Variants in COL12A1 observed in about 807,000 individuals in gnomAD.
The protein encoded by COL12A1 is collagen type XII alpha 1 chain.
Under a neutral mutation model 349.7 loss-of-function variants are expected in COL12A1, and 114 were observed. That is an observed-to-expected ratio of 0.33 (90% CI 0.28 to 0.38). The LOEUF is 0.38. Among genes scored for constraint, COL12A1 ranks in the 10% least tolerant of loss-of-function variants. COL12A1 has a pLI of 1.00. For missense variants in COL12A1, 3,284 were observed against 3,756.9 expected (o/e 0.87, Z 3.29); for synonymous variants, 1,369 against 1,329.0 (o/e 1.03, Z -0.66).
intron 13 of COL12A1, among the ~76,000 whole-genome samples, chr6:75,172,913 G>C (rs1400262249): frequency 6.6e-6 from 1 of 152,138 alleles, no homozygotes; most frequent in Non-Finnish European, 1.5e-5. Context: ...CACATATACA[G>C]GTTCCCTAGG....
Position 75,138,823 on chromosome 6 carries a change from T to A in COL12A1, c.5096A>T (p.Glu1699Val). 1 of 1,613,914 alleles carries A rather than the reference T, an allele frequency of 6.2e-7. No individual in the cohort carries two copies. The highest frequency in any genetic ancestry group is 8.5e-7 in the Non-Finnish European group (1 of 1,179,906). ...AGAAAGATAAAGAGAGTTAACTACC[T>A]CCATCTTATCTGAGCTTCCAAAAGG... Reference protein sequence around the residue: ...WAPFGSSDKMETILNGDENTL... With the variant: ...WAPFGSSDKMVTILNGDENTL... The change falls in exon 28 of 66, where the codon GAG becomes GTG. Residue 1699 changes from glutamate (E) to valine (V), a missense_variant and splice_region_variant. Around this residue, in one of 2 missense-constraint regions of COL12A1, gnomAD observed 2,601 missense variants for 2,824.8 expected, o/e 0.92. Transcript: ENST00000322507.
intron 43 of COL12A1, among the ~76,000 whole-genome samples, chr6:75,122,197 A>C (rs1014629458): frequency 6.6e-6 from 1 of 152,242 alleles, no homozygotes; most frequent in Admixed American, 6.5e-5. Context: ...AAAGGAGAAG[A>C]TTTTTATTGG....
chr6:75,181,885 T>C (rs1582193417), intron 10 of COL12A1, among the ~76,000 whole-genome samples: 1 of 146,902 alleles, frequency 6.8e-6, no homozygotes, highest in Non-Finnish European at 1.5e-5. Flanking sequence ...AGGTCAGGAG[T>C]TCAAGACCAG....
chr6:75,138,354 G>C lies in COL12A1; in HGVS notation c.5231-14C>G, dbSNP rs1472505383. ...TTAAGATAGGCACTAAAAGAAAACAGAATTTGGGAACACATTACTAATATA... is the reference window on the plus strand; with the variant it reads ...TTAAGATAGGCACTAAAAGAAAACACAATTTGGGAACACATTACTAATATA... On this transcript the variant is annotated splice_polypyrimidine_tract_variant and intron_variant, in intron 29 of 65. Transcript: ENST00000322507. The C allele has an allele frequency of 3.1e-6, 5 of 1,610,494 alleles. No homozygotes were observed. The African/African-American group carries it at 6.7e-5, about 22-fold the overall frequency.
chr6:75,200,649 A>G (rs73463826), intron 2 of COL12A1, among the ~76,000 whole-genome samples: 153 of 152,348 alleles, frequency 1.0e-3, no homozygotes, highest in African/African-American at 3.5e-3. Flanking sequence ...AAGACTTAGT[A>G]CAAAAAAAGT....
intron 36 of COL12A1, 119 bp from the exon 37 acceptor site, chr6:75,130,352 A>G: frequency 1.1e-6 from 1 of 946,908 alleles, no homozygotes; most frequent in Non-Finnish European, 1.6e-6. Context: ...CCTCCCATAT[A>G]ATAAAATATA....
At chr6:75,139,751 C>A (rs908777658) in intron 27 of COL12A1, among the ~76,000 whole-genome samples, 3 of 152,156 alleles carry the variant, frequency 2.0e-5, no homozygotes, top group Non-Finnish European at 4.4e-5. Flanking sequence ...AACATGCTGA[C>A]CCTGTTCAGA....
At chr6:75,151,031 T>C (rs1317225347) in intron 21 of COL12A1, 110 bp downstream of exon 21, 2 of 918,038 alleles carry the variant, frequency 2.2e-6, no homozygotes, top group African/African-American at 3.3e-5. Flanking sequence ...TTCACACTGC[T>C]AAACATTTCA....
At chr6:75,105,136 T>C (rs746367250) in intron 54 of COL12A1, 70 bp downstream of exon 54, 2 of 1,311,994 alleles carry the variant, frequency 1.5e-6, no homozygotes, top group Non-Finnish European at 2.2e-6. Flanking sequence ...ACTGACTCCA[T>C]ATTGGCAAAT....
In COL12A1 at chr6:75,113,301, G is replaced by T. The variant is rs201988277; in HGVS notation, c.7853C>A (p.Thr2618Lys). The change falls in exon 51 of 66, where the codon ACG (threonine) becomes AAG (lysine). Residue 2618 changes from threonine to lysine, a missense_variant. Thr to Lys is a moderately conservative substitution (Grantham distance 78). Coordinates refer to ENST00000322507, the MANE Select transcript of COL12A1 (RefSeq NM_004370.6). ...TGTATCCTTGTTAAAGAATGATAAC[G>T]TCTTGCTAGAAGCTGTAATCAACAT... ...VGVIADPSSK[T>K]LSFFNKDTRG... is the part of the protein sequence containing the mutation. The T allele has an allele frequency of 6.5e-7, 1 of 1,547,814 alleles. No individual in the cohort carries two copies.
At chr6:75,186,677 C>T (rs557866458) in intron 8 of COL12A1, among the ~76,000 whole-genome samples, 116 of 152,212 alleles carry the variant, frequency 7.6e-4, no homozygotes, top group Middle Eastern at 3.4e-3. Flanking sequence ...CGTATATTCA[C>T]TACAGCACTA....
At chr6:75,140,364 A>G (rs1331752025) in intron 27 of COL12A1, among the ~76,000 whole-genome samples, 1 of 152,176 alleles carries the variant, frequency 6.6e-6, no homozygotes, top group Admixed American at 6.5e-5. Context: ...TGAAGTTAAG[A>G]AGCAGGTTAT....
In COL12A1 at chr6:75,189,708, A is replaced by G; in HGVS notation, c.502T>C (p.Ser168Pro). Residue 168 changes from serine to proline, a missense_variant, in exon 6 of 66, where the codon TCT becomes CCT. Ser to Pro is a moderately conservative substitution (Grantham distance 74). Coordinates refer to ENST00000322507, the MANE Select transcript of COL12A1 (RefSeq NM_004370.6). ...YILDFIAALV[S>P]AFDIGEEKTR... ...TTCTCTTCCCCAATGTCAAAAGCAGACACAAGAGCAGCAATGAAGTCTAAA... is the reference window on the plus strand; with the variant it reads ...TTCTCTTCCCCAATGTCAAAAGCAGGCACAAGAGCAGCAATGAAGTCTAAA... 3.1e-6 allele frequency: 5 copies of G among 1,613,468 alleles called. No individual in the cohort carries two copies. Among genetic ancestry groups the G allele is most frequent in the Non-Finnish European group, 2.5e-6 (3 of 1,179,484 alleles).
At chr6:75,097,644 G>C (rs979048722) in intron 58 of COL12A1, among the ~76,000 whole-genome samples, 4 of 152,088 alleles carry the variant, frequency 2.6e-5, no homozygotes, top group African/African-American at 7.2e-5. Context: ...TTTTGTAATA[G>C]CATAAAGAAG....
chr6:75,138,362 G>T, intron 29 of COL12A1, 22 bp from the exon 30 acceptor site: 1 of 1,610,398 alleles, frequency 6.2e-7, no homozygotes, highest in Non-Finnish European at 8.5e-7. Flanking sequence ...CAGAATTTGG[G>T]AACACATTAC....
At chr6:75,188,597 T>G in intron 7 of COL12A1, 62 bp from the exon 8 acceptor site, 15 of 1,530,540 alleles carry the variant, frequency 9.8e-6, no homozygotes, top group Non-Finnish European at 1.3e-5. Flanking sequence ...CTTGGAGAAG[T>G]TCTTCGTTTT....
At chr6:75,109,655 G>T (rs72891676) in intron 51 of COL12A1, among the ~76,000 whole-genome samples, 3,087 of 152,140 alleles carry the variant, frequency 0.02, 46 homozygotes, top group Non-Finnish European at 0.033. Flanking sequence ...ATACAGTAAA[G>T]AACTAGCACA....
At chr6:75,159,815 G>A (rs971254681) in intron 14 of COL12A1, among the ~76,000 whole-genome samples, 1 of 151,596 alleles carries the variant, frequency 6.6e-6, no homozygotes, top group African/African-American at 2.4e-5. Flanking sequence ...AAAATGGGAT[G>A]CCAAGCTTTA....
At chr6:75,101,886 G>T in intron 57 of COL12A1, 113 bp downstream of exon 57, 1 of 1,208,442 alleles carries the variant, frequency 8.3e-7, no homozygotes, top group South Asian at 1.3e-5. Context: ...GAAATGAGGT[G>T]AAACACATAT....
Sources: gnomAD v4.1 joint callset for allele counts (sites outside exome capture counted in the v4.1 genomes callset) on GRCh38, gnomAD v4.1.1 for gene constraint, gnomAD v4.1.1 regional missense constraint, MANE v1.5 for transcripts, NCBI Gene and HGNC (gene_info 2026-07-23, HGNC 2026-07-21) for gene names.